ZNF536: variants seen among roughly 807,000 people sequenced by gnomAD.
The protein encoded by ZNF536 is zinc finger protein 536.
In ZNF536, 13 loss-of-function variants were observed where a neutral mutation model predicts 84.5. That is an observed-to-expected ratio of 0.15 (90% CI 0.10 to 0.24). The LOEUF is 0.24. Ranked by LOEUF, ZNF536 falls within the 10% of genes least tolerant of loss-of-function variation. ZNF536 has a pLI of 1.00. For synonymous variants in ZNF536, 811 were observed against 742.5 expected, an observed-to-expected ratio of 1.09 and a Z score of -1.50; for missense variants, 1,536 against 1,747.5, an observed-to-expected ratio of 0.88 and a Z score of 2.16.
At chr19:30,463,271 G>T (rs1423963101) in intron 2 of ZNF536, among the ~76,000 whole-genome samples, 1 of 152,166 alleles carries the variant, frequency 6.6e-6, no homozygotes, top group Non-Finnish European at 1.5e-5. Context: ...GACTGTCCTT[G>T]CCCCTTTTTC....
At chr19:30,537,976 G>A (rs1340986422) in intron 3 of ZNF536, among the ~76,000 whole-genome samples, 3 of 152,178 alleles carry the variant, frequency 2.0e-5, no homozygotes, top group Admixed American at 6.6e-5. Flanking sequence ...GCTTACACTT[G>A]TGCATTTGAA....
At chr19:30,512,008 A>T (rs943294228) in intron 2 of ZNF536, among the ~76,000 whole-genome samples, 1 of 152,218 alleles carries the variant, frequency 6.6e-6, no homozygotes. Context: ...GTATAATTCG[A>T]TGTATCATCT....
chr19:30,401,191 G>T (rs1182666896), intron 1 of ZNF536, among the ~76,000 whole-genome samples: 1 of 152,024 alleles, frequency 6.6e-6, no homozygotes, highest in Non-Finnish European at 1.5e-5. Flanking sequence ...TGTGTGGGGG[G>T]CTACTTCTGA....
chr19:30,636,604 C>T (rs2049076045), intron 1 of ZNF536, among the ~76,000 whole-genome samples: 1 of 152,124 alleles, frequency 6.6e-6, no homozygotes, highest in South Asian at 2.1e-4. Flanking sequence ...TTGGATTTCC[C>T]CCACCCATTT....
At chr19:30,485,708 A>AC (rs56870288) in intron 2 of ZNF536, among the ~76,000 whole-genome samples, 2,703 of 90,338 alleles carry the variant, frequency 0.03, 76 homozygotes, top group African/African-American at 0.19. Flanking sequence ...GGGTGGGGGG[A>AC]AACATCTTTT....
At chr19:30,556,804 T>C (rs1428877618) in intron 4 of ZNF536, 1 of 165,570 alleles carries the variant, frequency 6.0e-6, no homozygotes, top group African/African-American at 3.5e-5. Flanking sequence ...GTCCATATTC[T>C]CTTCAGACTG....
intron 1 of ZNF536, among the ~76,000 whole-genome samples, chr19:30,683,448 A>G (rs1453737152): frequency 6.6e-6 from 1 of 152,146 alleles, no homozygotes; most frequent in African/African-American, 2.4e-5. Context: ...AGCTGTTTCT[A>G]TGATTGCGGA....
intron 1 of ZNF536, among the ~76,000 whole-genome samples, chr19:30,612,192 A>G (rs978990600): frequency 6.6e-6 from 1 of 152,196 alleles, no homozygotes; most frequent in Non-Finnish European, 1.5e-5. Flanking sequence ...TTACAGATTT[A>G]GAAATGGGAA....
intron 2 of ZNF536, among the ~76,000 whole-genome samples, chr19:30,341,245 T>C (rs1480054627): frequency 6.6e-6 from 1 of 152,256 alleles, no homozygotes; most frequent in African/African-American, 2.4e-5. Flanking sequence ...ATTTTATAGT[T>C]TTGATATTTA....
chr19:30,538,982 A>G (rs961153741), intron 3 of ZNF536, among the ~76,000 whole-genome samples: 2 of 151,800 alleles, frequency 1.3e-5, no homozygotes, highest in Non-Finnish European at 2.9e-5. Flanking sequence ...CCGAGGCGGG[A>G]GGATTGTTTG....
chr19:30,606,217 T>TATAAAATAAAATAAAATATAAA (rs1435098196), intron 1 of ZNF536, among the ~76,000 whole-genome samples: 2 of 56,416 alleles, frequency 3.5e-5, no homozygotes, highest in African/African-American at 1.7e-4. Context: ...TAAAATAAAA[T>TATAAAATAAAATAAAATATAAA]ATAAAATAAA....
intron 2 of ZNF536, among the ~76,000 whole-genome samples, chr19:30,474,361 G>C (rs1034908004): frequency 6.6e-6 from 1 of 151,946 alleles, no homozygotes; most frequent in East Asian, 1.9e-4. Flanking sequence ...TGATTAGGGG[G>C]TTTATAGCAT....
intron 2 of ZNF536, among the ~76,000 whole-genome samples, chr19:30,299,968 G>A (rs1434309143): frequency 6.6e-6 from 1 of 152,118 alleles, no homozygotes; most frequent in African/African-American, 2.4e-5. Context: ...AAGCCATCTC[G>A]ATGCACAGTT....
intron 2 of ZNF536, among the ~76,000 whole-genome samples, chr19:30,475,991 C>G (rs866721899): frequency 2.0e-5 from 3 of 152,194 alleles, no homozygotes; most frequent in Middle Eastern, 6.8e-3. Flanking sequence ...TTTTTGAGCC[C>G]CATGAAGACG....
chr19:30,483,237 G>A (rs1344443720), intron 2 of ZNF536, among the ~76,000 whole-genome samples: 1 of 152,194 alleles, frequency 6.6e-6, no homozygotes, highest in Non-Finnish European at 1.5e-5. Flanking sequence ...TGTACACTGT[G>A]TTCCTAGGGT....
At chr19:30,285,245 AT>A (rs993713011) in intron 2 of ZNF536, among the ~76,000 whole-genome samples, 7 of 152,166 alleles carry the variant, frequency 4.6e-5, no homozygotes, top group Non-Finnish European at 7.4e-5. Context: ...TTCAAAGCTG[AT>A]TTTTTCCCCT....
At chr19:30,639,333 C>T (rs539137795) in intron 1 of ZNF536, among the ~76,000 whole-genome samples, 8 of 152,110 alleles carry the variant, frequency 5.3e-5, no homozygotes, top group Admixed American at 1.3e-4. Context: ...CTGGTGTACC[C>T]GAAGTATTAT....
intron 2 of ZNF536, among the ~76,000 whole-genome samples, chr19:30,307,233 C>A (rs1691121148): frequency 6.6e-6 from 1 of 151,972 alleles, no homozygotes; most frequent in African/African-American, 2.4e-5. Flanking sequence ...GTTAAAATAA[C>A]TTAAATACCT....
intron 2 of ZNF536, among the ~76,000 whole-genome samples, chr19:30,325,450 A>G (rs375547353): frequency 3.2e-4 from 49 of 152,204 alleles, no homozygotes; most frequent in Middle Eastern, 3.4e-3. Flanking sequence ...GTTTCTTCAC[A>G]TGTAAATGGA....
Sources: gnomAD v4.1 joint callset for allele counts (sites outside exome capture counted in the v4.1 genomes callset) on GRCh38, gnomAD v4.1.1 for gene constraint, MANE v1.5 for transcripts, NCBI Gene and HGNC (gene_info 2026-07-23, HGNC 2026-07-21) for gene names.